Variants in VDAC1 observed in about 807,000 individuals in gnomAD.
VDAC1 encodes voltage dependent anion channel 1.
VDAC1 carries 10 observed loss-of-function variants against 34.7 expected under a neutral mutation model. That is an observed-to-expected ratio of 0.29 (90% CI 0.18 to 0.49). The LOEUF (loss-of-function observed/expected upper bound fraction) is 0.49. Ranked by LOEUF, VDAC1 falls within the 20% of genes least tolerant of loss-of-function variation. VDAC1 has a pLI of 0.99. For synonymous variants in VDAC1, 130 were observed against 136.0 expected, an observed-to-expected ratio of 0.96 and a Z score of 0.30; for missense variants, 230 against 347.9, an observed-to-expected ratio of 0.66 and a Z score of 2.69.
chr5:134,055,397 G>A, the VDAC1 span, among the ~76,000 whole-genome samples: 5 of 151,972 alleles, frequency 3.3e-5, no homozygotes, highest in African/African-American at 1.2e-4. Flanking sequence ...GACATGTGAG[G>A]ACAAGTGCTT....
At chr5:134,061,337 C>G in the VDAC1 span, among the ~76,000 whole-genome samples, 3 of 151,410 alleles carry the variant, frequency 2.0e-5, no homozygotes, top group African/African-American at 7.3e-5. Flanking sequence ...CTAAACTGTT[C>G]TTAGTTCAAA....
chr5:134,007,567 T>C (rs1449742372), upstream of VDAC1, among the ~76,000 whole-genome samples: 1 of 151,364 alleles, frequency 6.6e-6, no homozygotes, highest in Non-Finnish European at 1.5e-5. Context: ...CTCCATTCCA[T>C]CTGCCACAGC....
the VDAC1 span, among the ~76,000 whole-genome samples, chr5:134,071,314 C>T: frequency 2.0e-5 from 3 of 152,234 alleles, no homozygotes; most frequent in Non-Finnish European, 4.4e-5. This position sits in a 1 kb window ranked among gnomAD's most constrained non-coding sequence, Gnocchi z 4.1. Context: ...TTCAAAGCGC[C>T]GCGTGTAGGG....
At chr5:134,007,311 G>A (rs191428714), upstream of VDAC1, among the ~76,000 whole-genome samples, 5 of 152,104 alleles carry the variant, frequency 3.3e-5, no homozygotes, top group Admixed American at 3.3e-4. Flanking sequence ...GGCACATGTG[G>A]GTAATCCCAA....
chr5:133,979,800 A>T (rs1351915137), intron 6 of VDAC1, among the ~76,000 whole-genome samples: 1 of 152,200 alleles, frequency 6.6e-6, no homozygotes, highest in Non-Finnish European at 1.5e-5. Context: ...AACCATGACG[A>T]CAGTCAGAAT....
the VDAC1 span, among the ~76,000 whole-genome samples, chr5:134,030,294 C>G: frequency 3.9e-4 from 59 of 151,604 alleles, 1 homozygote; most frequent in Middle Eastern, 6.8e-3. Flanking sequence ...TGAGCAAGAT[C>G]GTGCCATTAT....
chr5:134,110,978 A>ATATCTCGTTCAAGAGCACCCAT, the VDAC1 span, among the ~76,000 whole-genome samples: 1 of 152,244 alleles, frequency 6.6e-6, no homozygotes, highest in Admixed American at 6.5e-5. Flanking sequence ...CTTCCGAAAA[A>ATATCTCGTTCAAGAGCACCCAT]TATCTCGTTC....
At chr5:134,049,636 G>A in the VDAC1 span, among the ~76,000 whole-genome samples, 197 of 152,258 alleles carry the variant, frequency 1.3e-3, 4 homozygotes, top group East Asian at 0.029. Flanking sequence ...AGGAGGGAGC[G>A]TAGTGTGATC....
the VDAC1 span, among the ~76,000 whole-genome samples, chr5:134,023,623 C>G: frequency 6.6e-6 from 1 of 152,114 alleles, no homozygotes; most frequent in Admixed American, 6.6e-5. Context: ...TATTGAGCTC[C>G]TACCATGGGC....
the VDAC1 span, among the ~76,000 whole-genome samples, chr5:134,032,065 G>A: frequency 7.1e-6 from 1 of 140,104 alleles, no homozygotes; most frequent in Middle Eastern, 3.6e-3. Flanking sequence ...GGAGGTTGCA[G>A]TGAGCCAAGA....
chr5:134,095,275 A>G, the VDAC1 span, among the ~76,000 whole-genome samples: 1 of 152,098 alleles, frequency 6.6e-6, no homozygotes, highest in Non-Finnish European at 1.5e-5. Context: ...TGATGCCAGG[A>G]GTTCGAGACC....
chr5:133,979,930 A>C (rs1035647606), intron 6 of VDAC1, among the ~76,000 whole-genome samples: 1 of 152,178 alleles, frequency 6.6e-6, no homozygotes, highest in Admixed American at 6.5e-5. Context: ...TTTAGCTGTA[A>C]CAGATTCCAA....
chr5:134,005,354 G>C (rs1753723608), upstream of VDAC1: 1 of 152,232 alleles, frequency 6.6e-6, no homozygotes, highest in African/African-American at 2.4e-5. Flanking sequence ...TAGAGGCGGC[G>C]ACTGTTGCTC....
the VDAC1 span, among the ~76,000 whole-genome samples, chr5:134,082,683 A>T: frequency 6.6e-6 from 1 of 152,220 alleles, no homozygotes; most frequent in South Asian, 2.1e-4. Context: ...TATCAGCAAT[A>T]TAACTGCTTC....
At chr5:134,109,568 G>T in the VDAC1 span, among the ~76,000 whole-genome samples, 3 of 152,094 alleles carry the variant, frequency 2.0e-5, no homozygotes, top group Non-Finnish European at 4.4e-5. Context: ...TCAGGAGTTC[G>T]AGACCAGCAT....
At position 133,972,807 on chromosome 5, in the gene VDAC1, G is replaced by T. The variant is rs1435666507; in HGVS notation, c.816C>A (p.Gly272=). The T allele has an allele frequency of 6.2e-7, 1 of 1,613,598 alleles. No homozygotes were observed. Among genetic ancestry groups the T allele is most frequent in the South Asian group, 1.1e-5 (1 of 91,070 alleles). The change falls in exon 9 of 9, where the codon GGC becomes GGA. Residue 272 remains glycine, a synonymous_variant. Transcript: ENST00000265333. ...LLDGKNVNAG[G]HKLGLGLEFQ... is the part of the protein sequence containing the mutation. ...ATTCCAGTCCTAGACCAAGCTTGTG[G>T]CCACCAGCATTGACGTTCTTGCCAT...
At chr5:134,066,758 A>G in the VDAC1 span, among the ~76,000 whole-genome samples, 2 of 152,158 alleles carry the variant, frequency 1.3e-5, no homozygotes, top group African/African-American at 4.8e-5. Context: ...ATTCCAACCA[A>G]TTAGAAGAGG....
the VDAC1 span, among the ~76,000 whole-genome samples, chr5:134,094,641 A>G: frequency 3.5e-5 from 5 of 142,972 alleles, no homozygotes; most frequent in East Asian, 8.7e-4. Flanking sequence ...AGCTTGCAGT[A>G]AGCTGAGGTC....
At chr5:134,096,700 C>T in the VDAC1 span, among the ~76,000 whole-genome samples, 1 of 151,922 alleles carries the variant, frequency 6.6e-6, no homozygotes, top group South Asian at 2.1e-4. Flanking sequence ...CTCAAGTGAT[C>T]CTCCCACCTC....
Sources: allele counts gnomAD v4.1 joint callset (sites outside exome capture counted in the v4.1 genomes callset), GRCh38; gene constraint gnomAD v4.1.1; non-coding constraint Gnocchi (gnomAD v3.1); transcripts MANE v1.5; gene names NCBI Gene and HGNC (gene_info 2026-07-23, HGNC 2026-07-21).